The following PCDHGA1 variants were observed in gnomAD, a reference collection of about 807,000 sequenced individuals.
PCDHGA1 encodes the protein protocadherin gamma-A1.
Under a neutral mutation model 58.0 loss-of-function variants are expected in PCDHGA1, and 32 were observed. The observed-to-expected ratio is 0.55, with a 90% confidence interval of 0.42 to 0.74. The LOEUF is 0.74. PCDHGA1 is among the 30% of genes least tolerant of loss of function. PCDHGA1 has a pLI of 0.00. For synonymous variants in PCDHGA1, 498 were observed against 501.1 expected (o/e 0.99, Z 0.08); for missense variants, 1,205 against 1,182.3 (o/e 1.02, Z -0.28).
intron 1 of PCDHGA1, among the ~76,000 whole-genome samples, chr5:141,474,294 G>A (rs535055214): frequency 1.3e-5 from 2 of 152,296 alleles, no homozygotes; most frequent in African/African-American, 4.8e-5. Context: ...CTAGATCAGT[G>A]CTTGTCAAAC....
chr5:141,499,223 C>T (rs1478344280), intron 2 of PCDHGA1, among the ~76,000 whole-genome samples: 2 of 152,112 alleles, frequency 1.3e-5, no homozygotes, highest in African/African-American at 4.8e-5. Context: ...CCCTGCCCTG[C>T]AGCTGTCCCC....
chr5:141,371,759 C>T (rs1768010775), intron 1 of PCDHGA1: 1 of 1,614,044 alleles, frequency 6.2e-7, no homozygotes, highest in Non-Finnish European at 8.5e-7. Context: ...TCCACCAGGC[C>T]TCCTACACCG....
chr5:141,414,572 C>T, intron 1 of PCDHGA1: 1 of 1,613,960 alleles, frequency 6.2e-7, no homozygotes, highest in Non-Finnish European at 8.5e-7. Context: ...ACCTATATCC[C>T]AGAGAACAAC....
intron 1 of PCDHGA1, among the ~76,000 whole-genome samples, chr5:141,442,726 C>A (rs1160438073): frequency 2.6e-5 from 4 of 152,060 alleles, no homozygotes; most frequent in Non-Finnish European, 5.9e-5. Context: ...GCATTTGGGG[C>A]CTGTAGGTAA....
At position 141,485,100 on chromosome 5, in the gene PCDHGA1, C is replaced by G. The variant is rs900224386; in HGVS notation, c.2422-9707C>G. 1.0e-5 allele frequency: 12 copies of G among 1,148,882 alleles called. No homozygotes were observed. Among genetic ancestry groups the G allele is most frequent in the Non-Finnish European group, 1.4e-5 (11 of 778,894 alleles). 71.2% of individuals were successfully genotyped at this position (1,148,882 alleles called of 1,614,324 possible). On this transcript the variant is annotated intron_variant, in intron 1 of 3. Coordinates refer to ENST00000517417, the MANE Select transcript of PCDHGA1 (RefSeq NM_018912.3). This position sits in a 1 kb window ranked among gnomAD's most constrained non-coding sequence, Gnocchi z 5.7. ...GGGAAAGGGAGATAGGTGTCTCCAG[C>G]TGCTGTGGCTGTTTGGGGCGGGTCG...
intron 1 of PCDHGA1, chr5:141,340,744 G>A (rs908472382): frequency 3.2e-5 from 51 of 1,613,964 alleles, no homozygotes; most frequent in Non-Finnish European, 4.1e-5. Flanking sequence ...TGACCAAGGT[G>A]GTGGCGGTGG....
intron 1 of PCDHGA1, among the ~76,000 whole-genome samples, chr5:141,451,875 T>C (rs747595781): frequency 5.9e-5 from 9 of 151,594 alleles, no homozygotes; most frequent in Non-Finnish European, 1.3e-4. Context: ...AATGAAACCC[T>C]GTCAAGAAAG....
intron 1 of PCDHGA1, chr5:141,421,895 GA>G: frequency 6.2e-7 from 1 of 1,613,730 alleles, no homozygotes; most frequent in African/African-American, 1.3e-5. Flanking sequence ...GATCCCATCC[GA>G]AAGGGCGCAG....
At chr5:141,342,003 A>G (rs1316328979) in intron 1 of PCDHGA1, 1 of 154,162 alleles carries the variant, frequency 6.5e-6, no homozygotes, top group Non-Finnish European at 1.4e-5. Flanking sequence ...ATTTTGGCTT[A>G]GTTTTAAAAA....
In PCDHGA1 at chr5:141,477,250, C is replaced by G; in HGVS notation, c.2422-17557C>G. 6.2e-7 allele frequency: 1 copy of G among 1,614,190 alleles called. No homozygotes were observed. The highest frequency in any genetic ancestry group is 8.5e-7 in the Non-Finnish European group (1 of 1,180,040). On this transcript the variant is annotated intron_variant, in intron 1 of 3. Coordinates refer to ENST00000517417, the MANE Select transcript of PCDHGA1 (RefSeq NM_018912.3). The surrounding 1 kb of genome is among the most constrained non-coding windows in gnomAD (Gnocchi z 4.9). ...TCATCGCTTTGCTCAGTGTGACTGA[C>G]CTGGATGCTGGCGAGAACGGGCTGG...
rs2233605 is a variant in PCDHGA1 at position 141,490,412 on chromosome 5, C to A, written c.2422-4395C>A. ...GGTGAAGTGAGCCTTGATATCTCTC[C>A]GGACCTGCCATTTCAGATTAAGCCT... On this transcript the variant is annotated intron_variant, in intron 1 of 3. Transcript: ENST00000517417. This position sits in a 1 kb window ranked among gnomAD's most constrained non-coding sequence, Gnocchi z 5.4. 1.3e-4 allele frequency: 203 copies of A among 1,614,064 alleles called. 1 individual carries two copies. The highest frequency in any genetic ancestry group is 3.5e-4 in the South Asian group (32 of 91,086).
intron 1 of PCDHGA1, chr5:141,420,314 A>G (rs1454977890): frequency 6.9e-7 from 1 of 1,442,692 alleles, no homozygotes; most frequent in African/African-American, 1.4e-5. Flanking sequence ...TTTATATTAC[A>G]ATATGCCAAT....
chr5:141,351,099 A>G (rs1291727909), intron 1 of PCDHGA1: 5 of 1,614,078 alleles, frequency 3.1e-6, no homozygotes, highest in Non-Finnish European at 3.4e-6. Context: ...GCCTTCCTCA[A>G]TTCCCCAATA....
intron 1 of PCDHGA1, chr5:141,410,721 A>G (rs2154543206): frequency 1.5e-5 from 21 of 1,395,496 alleles, no homozygotes; most frequent in Non-Finnish European, 2.0e-5. Context: ...ATATGTTTAA[A>G]ATCCATAGCT....
At chr5:141,352,326 T>A in intron 1 of PCDHGA1, 1 of 1,614,058 alleles carries the variant, frequency 6.2e-7, no homozygotes, top group Non-Finnish European at 8.5e-7. Flanking sequence ...TTTTACCTGG[T>A]TGTGGCCTTG....
intron 1 of PCDHGA1, chr5:141,442,490 T>C (rs2098328971): frequency 6.6e-6 from 1 of 152,222 alleles, no homozygotes; most frequent in South Asian, 2.1e-4. Flanking sequence ...AAGGGGATGA[T>C]TGTGATTATT....
intron 1 of PCDHGA1, among the ~76,000 whole-genome samples, chr5:141,347,141 T>C (rs142025036): frequency 2.6e-4 from 23 of 90,044 alleles, no homozygotes; most frequent in South Asian, 1.9e-3. Flanking sequence ...GTTTCTCTCT[T>C]TCTTTCTTTC....
chr5:141,506,760 G>A (rs1018086132), intron 3 of PCDHGA1, among the ~76,000 whole-genome samples: 1 of 152,128 alleles, frequency 6.6e-6, no homozygotes, highest in Non-Finnish European at 1.5e-5. Context: ...CTAGCTTCTG[G>A]AGCAGCAAAT....
rs1361609314 is a variant in PCDHGA1 at position 141,423,642 on chromosome 5, TGACCC to T, written c.2422-71161_2422-71157del. 6 of 1,596,888 alleles carry T rather than the reference TGACCC, an allele frequency of 3.8e-6. No individual in the cohort carries two copies. In the South Asian group the frequency reaches 5.7e-5, roughly 15 times the overall value. ...ACTCAGCTATCATTTTAGGCAAATGTGACCCGACAAGTAATCAGGTGAGATTTATT... is the reference window on the plus strand; with the variant it reads ...ACTCAGCTATCATTTTAGGCAAATGTGACAAGTAATCAGGTGAGATTTATT... On this transcript the variant is annotated intron_variant, in intron 1 of 3. Transcript: ENST00000517417.
Sources: gnomAD v4.1 joint callset for allele counts (sites outside exome capture counted in the v4.1 genomes callset) on GRCh38, gnomAD v4.1.1 for gene constraint, Gnocchi (gnomAD v3.1) non-coding constraint, MANE v1.5 for transcripts, NCBI Gene and HGNC (gene_info 2026-07-23, HGNC 2026-07-21) for gene names.